CAST: variants seen among roughly 807,000 people sequenced by gnomAD.
CAST encodes the protein MIR583 host.
Under a neutral mutation model 119.6 loss-of-function variants are expected in CAST, and 76 were observed. The observed-to-expected ratio is 0.64, with a 90% confidence interval of 0.53 to 0.77. The LOEUF (loss-of-function observed/expected upper bound fraction) is 0.77, where lower values mean the gene tolerates loss of function less well. Among genes scored for constraint, CAST ranks in the 30% least tolerant of loss-of-function variants. The pLI, the probability that CAST is intolerant of heterozygous loss-of-function variation, is 0.00. For missense variants in CAST, 953 were observed against 946.5 expected, an observed-to-expected ratio of 1.01 and a Z score of -0.09; for synonymous variants, 319 against 331.6, an observed-to-expected ratio of 0.96 and a Z score of 0.41.
chr5:96,447,821 T>A, the CAST span, among the ~76,000 whole-genome samples: 1 of 152,144 alleles, frequency 6.6e-6, no homozygotes, highest in African/African-American at 2.4e-5. Flanking sequence ...AGGTGCCCTG[T>A]CAGTGACATT....
the CAST span, among the ~76,000 whole-genome samples, chr5:96,225,948 C>A: frequency 6.6e-6 from 1 of 152,130 alleles, no homozygotes; most frequent in Non-Finnish European, 1.5e-5. Flanking sequence ...CTACAGCTCA[C>A]CAGTTACTGC....
chr5:96,348,217 T>C, the CAST span, among the ~76,000 whole-genome samples: 3 of 151,554 alleles, frequency 2.0e-5, no homozygotes, highest in South Asian at 6.3e-4. Flanking sequence ...GGAAAGTAAA[T>C]AAAGCCAAGT....
the CAST span, among the ~76,000 whole-genome samples, chr5:96,059,071 C>CT: frequency 1.9e-3 from 280 of 151,298 alleles, 1 homozygote; most frequent in Non-Finnish European, 2.5e-3. Context: ...GAAGTAGCCC[C>CT]TTTTTTTTTG....
At chr5:96,103,784 C>T in the CAST span, among the ~76,000 whole-genome samples, 2 of 151,902 alleles carry the variant, frequency 1.3e-5, no homozygotes, top group Admixed American at 6.6e-5. Context: ...ACACTGACTT[C>T]CACAATGGTT....
At chr5:96,271,009 AT>A in the CAST span, among the ~76,000 whole-genome samples, 2 of 71,630 alleles carry the variant, frequency 2.8e-5, no homozygotes, top group Non-Finnish European at 6.8e-5. Context: ...TTTAAAAAAA[AT>A]GAAGAAAGCA....
At chr5:96,423,608 A>G in the CAST span, 3,362 of 747,628 alleles carry the variant, frequency 4.5e-3, 27 homozygotes, top group Non-Finnish European at 5.6e-3. Context: ...ATGAGAAAAC[A>G]AAGTTGAGAG....
intron 2 of CAST, among the ~76,000 whole-genome samples, chr5:96,677,055 AAAG>A (rs1189842760): frequency 2.0e-5 from 3 of 152,036 alleles, no homozygotes; most frequent in African/African-American, 7.2e-5. Context: ...AAAGAAAAGA[AAAG>A]AAAAGAAAAT....
intron 1 of CAST, among the ~76,000 whole-genome samples, chr5:96,611,288 C>G (rs73134513): frequency 0.087 from 13,299 of 152,078 alleles, 691 homozygotes; most frequent in African/African-American, 0.15. Context: ...GAATGCAGAA[C>G]CCAGAAACAG....
chr5:96,533,411 T>A (rs1745727812), intron 1 of CAST, among the ~76,000 whole-genome samples: 1 of 152,180 alleles, frequency 6.6e-6, no homozygotes, highest in South Asian at 2.1e-4. Flanking sequence ...AGACTAATAG[T>A]TCCCTGATTG....
At chr5:96,216,986 A>T in the CAST span, among the ~76,000 whole-genome samples, 4 of 152,128 alleles carry the variant, frequency 2.6e-5, no homozygotes, top group Admixed American at 2.6e-4. Context: ...TCACACAGAA[A>T]ATATTAAAAA....
At chr5:96,129,432 G>A in the CAST span, among the ~76,000 whole-genome samples, 127 of 152,196 alleles carry the variant, frequency 8.3e-4, 1 homozygote, top group Non-Finnish European at 1.3e-3. Flanking sequence ...CTGGAAGTCT[G>A]TCACAGGAAG....
At chr5:96,199,544 C>G in the CAST span, among the ~76,000 whole-genome samples, 3 of 151,750 alleles carry the variant, frequency 2.0e-5, no homozygotes, top group African/African-American at 7.3e-5. Context: ...TTTTTTTGGT[C>G]TGTTTGCTTC....
chr5:96,620,570 C>T (rs1311312373), intron 1 of CAST, among the ~76,000 whole-genome samples: 1 of 152,066 alleles, frequency 6.6e-6, no homozygotes, highest in East Asian at 1.9e-4. Context: ...TTCTGAACAC[C>T]TTTAAGATAT....
the CAST span, among the ~76,000 whole-genome samples, chr5:96,224,170 C>T: frequency 1.3e-5 from 2 of 152,146 alleles, no homozygotes; most frequent in South Asian, 2.1e-4. Context: ...TGACTGAAAA[C>T]TCAATTCAAA....
chr5:96,162,851 T>C, the CAST span, among the ~76,000 whole-genome samples: 1 of 152,250 alleles, frequency 6.6e-6, no homozygotes, highest in Non-Finnish European at 1.5e-5. Flanking sequence ...TAAGCGATAT[T>C]GGTTTATAGT....
chr5:96,615,151 G>C (rs906382576), intron 1 of CAST, among the ~76,000 whole-genome samples: 1 of 152,144 alleles, frequency 6.6e-6, no homozygotes, highest in African/African-American at 2.4e-5. Flanking sequence ...TATAAAACAG[G>C]CTTTGTGTTA....
At chr5:96,403,115 C>G in the CAST span, among the ~76,000 whole-genome samples, 1 of 152,056 alleles carries the variant, frequency 6.6e-6, no homozygotes, top group African/African-American at 2.4e-5. Flanking sequence ...TCATGATTAT[C>G]ACATATAGCA....
chr5:96,444,302 G>A, the CAST span, among the ~76,000 whole-genome samples: 1 of 152,206 alleles, frequency 6.6e-6, no homozygotes, highest in Non-Finnish European at 1.5e-5. Context: ...ATTGGTGATG[G>A]AAGTAAGACT....
chr5:96,193,047 C>T, the CAST span, among the ~76,000 whole-genome samples: 1 of 151,954 alleles, frequency 6.6e-6, no homozygotes, highest in Non-Finnish European at 1.5e-5. Context: ...ATGTTGATTT[C>T]CAGTAAATAA....
Sources: gnomAD v4.1 joint callset for allele counts (sites outside exome capture counted in the v4.1 genomes callset) on GRCh38, gnomAD v4.1.1 for gene constraint, MANE v1.5 for transcripts, NCBI Gene and HGNC (gene_info 2026-07-23, HGNC 2026-07-21) for gene names.